NCKAP5: variants seen among roughly 807,000 people sequenced by gnomAD.
The protein encoded by NCKAP5 is NCK associated protein 5.
A neutral mutation model predicts 167.0 loss-of-function variants in NCKAP5; 92 were observed. The ratio of observed to expected loss-of-function variants is 0.55; its 90% CI spans 0.47 to 0.66. NCKAP5 has a LOEUF of 0.66. Among genes scored for constraint, NCKAP5 ranks in the 30% least tolerant of loss-of-function variants. The probability of loss-of-function intolerance (pLI) is 0.00; values close to 1 mark genes in which losing one functional copy is unlikely to be tolerated. For synonymous variants in NCKAP5, 891 were observed against 877.4 expected (o/e 1.02, Z -0.27); for missense variants, 2,378 against 2,315.0 (o/e 1.03, Z -0.56).
chr2:133,335,310 C>T (rs1683140436), intron 3 of NCKAP5, among the ~76,000 whole-genome samples: 1 of 152,210 alleles, frequency 6.6e-6, no homozygotes, highest in African/African-American at 2.4e-5. Flanking sequence ...AATTGCTACA[C>T]TTGACAACAG....
At chr2:133,228,027 G>T (rs1038569057) in intron 4 of NCKAP5, among the ~76,000 whole-genome samples, 3 of 152,122 alleles carry the variant, frequency 2.0e-5, no homozygotes, top group African/African-American at 4.8e-5. Context: ...GGGACTCTTG[G>T]TTTCTATTCC....
At chr2:133,036,168 G>C (rs534070097) in intron 6 of NCKAP5, among the ~76,000 whole-genome samples, 1 of 151,636 alleles carries the variant, frequency 6.6e-6, no homozygotes, top group Admixed American at 6.6e-5. Flanking sequence ...TAACAAGATC[G>C]ATGCCACAAT....
intron 5 of NCKAP5, among the ~76,000 whole-genome samples, chr2:133,184,689 G>C (rs2084871599): frequency 6.6e-6 from 1 of 152,004 alleles, no homozygotes; most frequent in Non-Finnish European, 1.5e-5. Context: ...TCTTACTGTG[G>C]TTTTGACTTG....
At chr2:132,892,901 A>G (rs1692828773) in intron 8 of NCKAP5, among the ~76,000 whole-genome samples, 1 of 151,764 alleles carries the variant, frequency 6.6e-6, no homozygotes, top group South Asian at 2.1e-4. Flanking sequence ...GCGTGTTTGA[A>G]CCCTCTCTAC....
At chr2:133,408,894 C>T (rs780107300) in intron 3 of NCKAP5, among the ~76,000 whole-genome samples, 8 of 152,186 alleles carry the variant, frequency 5.3e-5, no homozygotes, top group Non-Finnish European at 1.0e-4. Flanking sequence ...GACCCCAGCC[C>T]ATCCTGAAGC....
At chr2:133,399,314 G>T (rs181445544) in intron 3 of NCKAP5, among the ~76,000 whole-genome samples, 1 of 151,882 alleles carries the variant, frequency 6.6e-6, no homozygotes, top group Non-Finnish European at 1.5e-5. Context: ...AAGCTATGGA[G>T]GACTATGGCA....
At chr2:133,620,277 A>C in the NCKAP5 span, among the ~76,000 whole-genome samples, 1 of 152,108 alleles carries the variant, frequency 6.6e-6, no homozygotes, top group Non-Finnish European at 1.5e-5. Flanking sequence ...TGCTCCACTT[A>C]AAAGACACAA....
intron 7 of NCKAP5, among the ~76,000 whole-genome samples, chr2:132,988,859 A>T (rs943485896): frequency 6.6e-6 from 1 of 152,202 alleles, no homozygotes; most frequent in African/African-American, 2.4e-5. Context: ...AGCTATTTAC[A>T]TTAATTGGTG....
At chr2:132,874,539 C>T (rs917108225) in intron 9 of NCKAP5, among the ~76,000 whole-genome samples, 1 of 152,192 alleles carries the variant, frequency 6.6e-6, no homozygotes, top group East Asian at 1.9e-4. Context: ...ATAGTCTCAG[C>T]AACCTACTTC....
At chr2:133,135,812 G>A (rs1016382568) in intron 5 of NCKAP5, among the ~76,000 whole-genome samples, 9 of 151,976 alleles carry the variant, frequency 5.9e-5, no homozygotes, top group African/African-American at 2.4e-5. Context: ...ATGAAATAAT[G>A]TATGGTAAGG....
At chr2:133,470,083 T>G (rs188023517) in intron 3 of NCKAP5, among the ~76,000 whole-genome samples, 3,265 of 151,656 alleles carry the variant, frequency 0.022, 132 homozygotes, top group African/African-American at 0.075. Context: ...GGAGGAGAGG[T>G]GCTCTGCTTT....
intron 3 of NCKAP5, among the ~76,000 whole-genome samples, chr2:133,511,945 G>A (rs1434241705): frequency 6.6e-6 from 1 of 152,156 alleles, no homozygotes; most frequent in Non-Finnish European, 1.5e-5. Flanking sequence ...TGGTCAAAGG[G>A]ACTGAGATTA....
At chr2:133,004,057 A>C (rs2077878414) in intron 6 of NCKAP5, among the ~76,000 whole-genome samples, 1 of 152,234 alleles carries the variant, frequency 6.6e-6, no homozygotes, top group Non-Finnish European at 1.5e-5. Flanking sequence ...TTTGCTCAAC[A>C]GTGGCAGAAT....
chr2:133,524,700 G>T (rs928272858), intron 2 of NCKAP5, among the ~76,000 whole-genome samples: 4 of 152,086 alleles, frequency 2.6e-5, no homozygotes, highest in Non-Finnish European at 5.9e-5. Flanking sequence ...AGTCCTCTTT[G>T]TATTGAAATC....
At chr2:133,076,262 C>A (rs10200140) in intron 6 of NCKAP5, among the ~76,000 whole-genome samples, 20,795 of 152,096 alleles carry the variant, frequency 0.14, 1,760 homozygotes, top group East Asian at 0.22. Flanking sequence ...GGAATTCAAC[C>A]AGCCTCAGAT....
rs181123732 is a variant in NCKAP5, at chr2:133,287,291, T to G, written c.143+15746A>C. ...GATAATCTTTGGATTGTAGTGTCTG[T>G]AACTGACATCCAAATTAAGTGCTCT... On this transcript the variant is annotated intron_variant, in intron 4 of 19. Transcript: ENST00000409261. Among the ~76,000 whole-genome samples the G allele has an allele frequency of 1.5e-3, 235 of 152,344 alleles. 4 individuals are homozygous for G. The highest frequency in any genetic ancestry group is 2.5e-3 in the Non-Finnish European group (170 of 68,028).
chr2:133,545,759 G>C (rs1334481559), intron 2 of NCKAP5, among the ~76,000 whole-genome samples: 1 of 152,198 alleles, frequency 6.6e-6, no homozygotes, highest in African/African-American at 2.4e-5. Flanking sequence ...GCATAGAAGG[G>C]AGGAGGGGAG....
chr2:132,687,127 A>G (rs914462040), intron 19 of NCKAP5, among the ~76,000 whole-genome samples: 20 of 152,214 alleles, frequency 1.3e-4, no homozygotes, highest in African/African-American at 4.8e-4. Context: ...AAATAATGGG[A>G]TGAGTTTAAA....
At chr2:133,274,156 C>A (rs1340543454) in intron 4 of NCKAP5, among the ~76,000 whole-genome samples, 1 of 151,324 alleles carries the variant, frequency 6.6e-6, no homozygotes, top group African/African-American at 2.4e-5. Context: ...GGAAGAGAAC[C>A]CAGAGGCAAA....
Sources: allele counts gnomAD v4.1 joint callset (sites outside exome capture counted in the v4.1 genomes callset), GRCh38; gene constraint gnomAD v4.1.1; transcripts MANE v1.5; gene names NCBI Gene and HGNC (gene_info 2026-07-23, HGNC 2026-07-21).